AP5M1: variants seen among roughly 807,000 people sequenced by gnomAD.
AP5M1 encodes the protein adaptor related protein complex 5 subunit mu 1.
A neutral mutation model predicts 52.3 loss-of-function variants in AP5M1; 44 were observed. The observed-to-expected ratio is 0.84, with a 90% CI of 0.66 to 1.08. The LOEUF (loss-of-function observed/expected upper bound fraction) is 1.08, where lower values mean the gene tolerates loss of function less well. Among genes scored for constraint, AP5M1 ranks in the 50% least tolerant of loss-of-function variants. AP5M1 has a pLI of 0.00. For synonymous variants in AP5M1, 213 were observed against 199.0 expected, an observed-to-expected ratio of 1.07 and a Z score of -0.59; for missense variants, 526 against 568.4, an observed-to-expected ratio of 0.93 and a Z score of 0.76.
At position 57,281,663 on chromosome 14, in the gene AP5M1, A is replaced by G. The variant is rs77318073; in HGVS notation, c.949-426A>G. On this transcript the variant is annotated intron_variant, in intron 3 of 7. Coordinates refer to ENST00000261558, the MANE Select transcript of AP5M1 (RefSeq NM_018229.4). ...CCAGAAATAATGATTGGCTCACCCC[A>G]GCCTACAAGTTGTTTCCTCTTCAGT... Among the ~76,000 whole-genome samples, 14 of 152,354 alleles carry G rather than the reference A, an allele frequency of 9.2e-5. No homozygotes were observed. The East Asian group carries it at 2.3e-3, about 25-fold the overall frequency.
chr14:57,286,919 A>G (rs1566519743), intron 7 of AP5M1, among the ~76,000 whole-genome samples: 1 of 152,032 alleles, frequency 6.6e-6, no homozygotes, highest in Non-Finnish European at 1.5e-5. Flanking sequence ...TAGGAAGACA[A>G]TAAAAAAGAC....
chr14:57,286,874 A>G (rs1885320047), intron 7 of AP5M1, among the ~76,000 whole-genome samples: 1 of 152,100 alleles, frequency 6.6e-6, no homozygotes. Flanking sequence ...GTTGCAATCA[A>G]TAAGCATTAT....
chr14:57,283,184 A>G lies in AP5M1; in HGVS notation c.1247A>G (p.Lys416Arg), dbSNP rs746147819. 2 of 1,613,924 alleles carry G rather than the reference A, an allele frequency of 1.2e-6. No homozygotes were observed. Among genetic ancestry groups the G allele is most frequent in the Middle Eastern group, 1.7e-4 (1 of 6,056 alleles). Reference sequence around the variant, plus strand: ...ACTTTTGGAGCCAAGAGCCATGAGAAGCAGCCATTTGACCCAATTTGTACT... The same window carrying G: ...ACTTTTGGAGCCAAGAGCCATGAGAGGCAGCCATTTGACCCAATTTGTACT... The part of the protein sequence containing the change: ...TVTFGAKSHE[K>R]QPFDPICTGE... Residue 416 changes from lysine to arginine, a missense_variant, in exon 6 of 8, where the codon AAG (lysine) becomes AGG (arginine). Lys to Arg is a conservative substitution (Grantham distance 26). Around this residue, in one of 3 missense-constraint regions of AP5M1, gnomAD observed 97 missense variants for 121.3 expected, o/e 0.80. Transcript: ENST00000261558.
chr14:57,271,988 T>C (rs1884906413), intron 1 of AP5M1, among the ~76,000 whole-genome samples: 1 of 152,232 alleles, frequency 6.6e-6, no homozygotes, highest in Admixed American at 6.5e-5. Flanking sequence ...TCAGTTCTAG[T>C]ACTTTGTCTT....
intron 6 of AP5M1, among the ~76,000 whole-genome samples, chr14:57,284,917 G>T (rs1334805301): frequency 6.6e-6 from 1 of 151,888 alleles, no homozygotes; most frequent in Non-Finnish European, 1.5e-5. Context: ...ATGTTCAGTG[G>T]GTAGCTAAAA....
In AP5M1 at chr14:57,296,856, A is replaced by G. The variant is rs1953373; in HGVS notation, c.*7972A>G. 147,057 of 152,080 alleles carry G rather than the reference A, an allele frequency of 0.97. 71,285 individuals are homozygous for G. Among genetic ancestry groups the G allele is most frequent in the Middle Eastern group, 1 (294 of 294 alleles). The allele number at this position is 152,080 out of a possible 1,614,324, so 9.4% of individuals were successfully genotyped here. The stretch of plus-strand genomic sequence containing the variant: ...GCCACTCTGGGATTAGACAAAAGAC[A>G]AAAAACAGTTCCATATTTTGAACGA... On this transcript the variant is annotated 3_prime_UTR_variant, in exon 8 of 8. Transcript: ENST00000261558.
intron 3 of AP5M1, among the ~76,000 whole-genome samples, chr14:57,281,291 T>G (rs1885168670): frequency 1.3e-5 from 2 of 152,174 alleles, no homozygotes; most frequent in Non-Finnish European, 2.9e-5. Flanking sequence ...AACCCCAATT[T>G]TTCAGACTTC....
chr14:57,288,498 C>T (rs1290235276), intron 7 of AP5M1, among the ~76,000 whole-genome samples: 1 of 151,794 alleles, frequency 6.6e-6, no homozygotes, highest in African/African-American at 2.4e-5. Context: ...AATGTTTTTG[C>T]AGTCAGAGTA....
At chr14:57,275,689 A>G (rs897262018) in intron 2 of AP5M1, among the ~76,000 whole-genome samples, 2 of 152,198 alleles carry the variant, frequency 1.3e-5, no homozygotes, top group African/African-American at 4.8e-5. Context: ...TTTTCTTTAG[A>G]GGGATGAAAT....
rs1372413640 is a variant in AP5M1 at position 57,269,042 on chromosome 14, A to T, written c.-273A>T. 1.8e-6 allele frequency: 1 copy of T among 554,194 alleles called. No homozygotes were observed. The highest frequency in any genetic ancestry group is 1.9e-5 in the African/African-American group (1 of 51,822). 34.3% of individuals were successfully genotyped at this position (554,194 alleles called of 1,614,324 possible). A position where few individuals can be genotyped will look rare whatever the true frequency, so the allele number is the denominator to read the frequency against. ...CCATTCCGGAAGTAGAATTTAGAGG[A>T]AGAAAATACCGGAGTTGCAGGGTAT... On this transcript the variant is annotated 5_prime_UTR_variant, in exon 1 of 8. Coordinates refer to ENST00000261558, the MANE Select transcript of AP5M1 (RefSeq NM_018229.4).
intron 1 of AP5M1, chr14:57,273,642 TA>T: frequency 1.5e-6 from 1 of 678,292 alleles, no homozygotes; most frequent in South Asian, 1.6e-5. Flanking sequence ...TTTTATTATC[TA>T]AAAGTATCTT....
rs1039334637 is a variant in AP5M1, at chr14:57,289,565, G to T, written c.*681G>T. ...CTAGAGTTAGTTTTTAAGTAAGCTT[G>T]TTAATCTGCCACTTTGACATTTTGC... On this transcript the variant is annotated 3_prime_UTR_variant, in exon 8 of 8. Coordinates refer to ENST00000261558, the MANE Select transcript of AP5M1 (RefSeq NM_018229.4). 1.3e-5 allele frequency: 2 copies of T among 151,990 alleles called. No homozygotes were observed. Among genetic ancestry groups the T allele is most frequent in the Non-Finnish European group, 2.9e-5 (2 of 67,942 alleles). The allele number at this position is 151,990 out of a possible 1,614,324, so 9.4% of individuals were successfully genotyped here. A position where few individuals can be genotyped will look rare whatever the true frequency, so the allele number is the denominator to read the frequency against.
chr14:57,273,569 G>T, intron 1 of AP5M1: 1 of 529,536 alleles, frequency 1.9e-6, no homozygotes, highest in Non-Finnish European at 3.4e-6. Context: ...GCAAAGAAAA[G>T]ATAAATTAGT....
chr14:57,283,919 C>T (rs982539658), intron 6 of AP5M1, among the ~76,000 whole-genome samples: 1 of 151,964 alleles, frequency 6.6e-6, no homozygotes, highest in African/African-American at 2.4e-5. Flanking sequence ...CTGGGGAGTT[C>T]GAGGCTGCAG....
At chr14:57,272,051 GA>G (rs1419348220) in intron 1 of AP5M1, among the ~76,000 whole-genome samples, 1 of 152,168 alleles carries the variant, frequency 6.6e-6, no homozygotes, top group African/African-American at 2.4e-5. Context: ...ATATTTCATA[GA>G]GGTGAACTTT....
rs1042886132 is a variant in AP5M1, at chr14:57,297,013, A to C, written c.*8129A>C. The C allele has an allele frequency of 6.6e-6, 1 of 152,064 alleles. No homozygotes were observed. The highest frequency in any genetic ancestry group is 6.6e-5 in the Admixed American group (1 of 15,232). 9.4% of individuals were successfully genotyped at this position (152,064 alleles called of 1,614,324 possible). A position where few individuals can be genotyped will look rare whatever the true frequency, so the allele number is the denominator to read the frequency against. On this transcript the variant is annotated 3_prime_UTR_variant, in exon 8 of 8. Transcript: ENST00000261558. ...CAGTTAAAGGGCACACCGTGGGGGC[A>C]GCATATCTCCATGGGTCTATCTCTA...
chr14:57,285,350 C>T (rs1489512066), intron 6 of AP5M1, among the ~76,000 whole-genome samples: 2 of 152,140 alleles, frequency 1.3e-5, no homozygotes, highest in African/African-American at 2.4e-5. Context: ...TATTCATTCC[C>T]ATCACCAACC....
intron 1 of AP5M1, among the ~76,000 whole-genome samples, chr14:57,269,794 A>C (rs548785065): frequency 6.6e-6 from 1 of 152,296 alleles, no homozygotes; most frequent in Non-Finnish European, 1.5e-5. Flanking sequence ...GCTAAGTTAT[A>C]TCAGACTTTT....
chr14:57,273,887 T>C (rs185537588), intron 1 of AP5M1: 15 of 600,646 alleles, frequency 2.5e-5, no homozygotes, highest in African/African-American at 5.6e-5. Context: ...AAAATTCTTA[T>C]AGATGCCTAA....
Sources: gnomAD v4.1 joint callset for allele counts (sites outside exome capture counted in the v4.1 genomes callset) on GRCh38, gnomAD v4.1.1 for gene constraint, gnomAD v4.1.1 regional missense constraint, MANE v1.5 for transcripts, NCBI Gene and HGNC (gene_info 2026-07-23, HGNC 2026-07-21) for gene names.